RAPGEF6: variants seen among roughly 807,000 people sequenced by gnomAD.
RAPGEF6 encodes the protein Rap guanine nucleotide exchange factor 6, also known as PDZ domain containing guanine nucleotide exchange factor (GEF) 2.
In RAPGEF6, 56 loss-of-function variants were observed where a neutral mutation model predicts 171.4. The observed-to-expected ratio is 0.33, with a 90% CI of 0.26 to 0.41. The LOEUF is 0.41. Ranked by LOEUF, RAPGEF6 falls within the 10% of genes least tolerant of loss-of-function variation. The pLI, the probability that RAPGEF6 is intolerant of heterozygous loss-of-function variation, is 1.00. For synonymous variants in RAPGEF6, 692 were observed against 650.1 expected, an observed-to-expected ratio of 1.06 and a Z score of -0.98; for missense variants, 1,674 against 1,921.4, an observed-to-expected ratio of 0.87 and a Z score of 2.41.
intron 9 of RAPGEF6, among the ~76,000 whole-genome samples, chr5:131,507,277 TG>T (rs1305072300): frequency 2.7e-5 from 4 of 150,638 alleles, no homozygotes; most frequent in Non-Finnish European, 4.4e-5. Context: ...GAACACCTTT[TG>T]AAATAACTCT....
chr5:131,509,300 T>C (rs921785929), intron 8 of RAPGEF6, among the ~76,000 whole-genome samples: 2 of 152,064 alleles, frequency 1.3e-5, no homozygotes, highest in African/African-American at 4.8e-5. Context: ...TCCCAGCACT[T>C]AGGGAGGCCG....
chr5:131,428,100 CTCA>C (rs1751481335), intron 27 of RAPGEF6, among the ~76,000 whole-genome samples: 1 of 151,884 alleles, frequency 6.6e-6, no homozygotes, highest in African/African-American at 2.4e-5. Flanking sequence ...AAGACCTTGT[CTCA>C]ACAAACAAAC....
intron 3 of RAPGEF6, among the ~76,000 whole-genome samples, chr5:131,598,737 A>C (rs1364675846): frequency 6.6e-6 from 1 of 152,250 alleles, no homozygotes; most frequent in Non-Finnish European, 1.5e-5. Flanking sequence ...AGAAGACTAA[A>C]TAAATGGAAG....
At chr5:131,619,705 A>C (rs1765492927) in intron 1 of RAPGEF6, among the ~76,000 whole-genome samples, 1 of 152,158 alleles carries the variant, frequency 6.6e-6, no homozygotes, top group Non-Finnish European at 1.5e-5. Flanking sequence ...TTCAATCCTT[A>C]TCTCTCTTCG....
chr5:131,442,550 A>G lies in RAPGEF6; in HGVS notation c.3422-13T>C, dbSNP rs1216913864. The G allele has an allele frequency of 1.2e-6, 2 of 1,612,636 alleles. No homozygotes were observed. The highest frequency in any genetic ancestry group is 1.7e-6 in the Non-Finnish European group (2 of 1,179,204). On this transcript the variant is annotated splice_polypyrimidine_tract_variant and intron_variant, in intron 22 of 27. Transcript: ENST00000509018. Reference sequence around the variant, plus strand: ...AAATTCTTGGTCACTAACAGGAGAGAGTAAGAAATAAGTAACTGCACGTTT... The same window carrying G: ...AAATTCTTGGTCACTAACAGGAGAGGGTAAGAAATAAGTAACTGCACGTTT...
chr5:131,452,951 A>G, intron 21 of RAPGEF6, 103 bp downstream of exon 21: 1 of 1,410,062 alleles, frequency 7.1e-7, no homozygotes, highest in Non-Finnish European at 9.4e-7. Flanking sequence ...CACTTTGTAC[A>G]GCACACATGG....
chr5:131,558,014 T>C (rs981471767), intron 5 of RAPGEF6, among the ~76,000 whole-genome samples: 3 of 152,160 alleles, frequency 2.0e-5, no homozygotes, highest in Non-Finnish European at 4.4e-5. Flanking sequence ...AATAGGCTCA[T>C]AAAATAAGGC....
intron 5 of RAPGEF6, among the ~76,000 whole-genome samples, chr5:131,558,724 C>T (rs1021853251): frequency 9.2e-5 from 14 of 151,882 alleles, no homozygotes; most frequent in African/African-American, 3.1e-4. Context: ...TTAGAGCATA[C>T]GCCTGAATTT....
At chr5:131,599,875 A>G (rs1764124967) in intron 3 of RAPGEF6, among the ~76,000 whole-genome samples, 1 of 152,242 alleles carries the variant, frequency 6.6e-6, no homozygotes, top group African/African-American at 2.4e-5. Flanking sequence ...TCAAACATAG[A>G]GAAATGATTT....
chr5:131,527,283 A>G (rs1758934992), intron 6 of RAPGEF6, among the ~76,000 whole-genome samples: 1 of 151,726 alleles, frequency 6.6e-6, no homozygotes, highest in African/African-American at 2.4e-5. Context: ...AGCAGGAAAA[A>G]AACAAAACAA....
At chr5:131,583,197 G>A (rs1763066401) in intron 4 of RAPGEF6, among the ~76,000 whole-genome samples, 1 of 152,136 alleles carries the variant, frequency 6.6e-6, no homozygotes, top group East Asian at 1.9e-4. Flanking sequence ...CTCTTGGCCA[G>A]GGGCACCCCA....
At chr5:131,487,205 T>C (rs1466215240) in intron 15 of RAPGEF6, among the ~76,000 whole-genome samples, 1 of 152,214 alleles carries the variant, frequency 6.6e-6, no homozygotes, top group East Asian at 1.9e-4. Flanking sequence ...ACTTCAAGAA[T>C]GAAGCCGCGG....
At chr5:131,514,631 G>C (rs184107237) in intron 7 of RAPGEF6, among the ~76,000 whole-genome samples, 46 of 152,076 alleles carry the variant, frequency 3.0e-4, no homozygotes, top group East Asian at 2.3e-3. Context: ...AGGAAAAATG[G>C]ATAATCTCAG....
intron 17 of RAPGEF6, among the ~76,000 whole-genome samples, chr5:131,470,373 G>A (rs1470632756): frequency 1.3e-5 from 2 of 152,106 alleles, no homozygotes; most frequent in Non-Finnish European, 2.9e-5. Context: ...CTGAATTTCA[G>A]CTCCATGGGG....
chr5:131,459,102 T>C (rs919401056), intron 19 of RAPGEF6, among the ~76,000 whole-genome samples: 8 of 152,146 alleles, frequency 5.3e-5, no homozygotes, highest in African/African-American at 1.9e-4. Flanking sequence ...ATTTTACCAC[T>C]TCAGCAACTA....
At chr5:131,605,106 A>G (rs1171569993) in intron 1 of RAPGEF6, among the ~76,000 whole-genome samples, 1 of 152,232 alleles carries the variant, frequency 6.6e-6, no homozygotes, top group African/African-American at 2.4e-5. Flanking sequence ...CTTTCTAAAG[A>G]ATTTCTTTCT....
At chr5:131,556,501 G>A (rs1041126090) in intron 5 of RAPGEF6, among the ~76,000 whole-genome samples, 1 of 152,120 alleles carries the variant, frequency 6.6e-6, no homozygotes, top group African/African-American at 2.4e-5. Flanking sequence ...TACTACATTA[G>A]GAATGTACAG....
chr5:131,520,087 A>C (rs1021289881), intron 7 of RAPGEF6, among the ~76,000 whole-genome samples: 3 of 152,212 alleles, frequency 2.0e-5, no homozygotes, highest in African/African-American at 7.2e-5. Flanking sequence ...CATATAAACC[A>C]AAAAATGGGT....
At chr5:131,598,293 G>GA (rs1263424779) in intron 3 of RAPGEF6, among the ~76,000 whole-genome samples, 1 of 151,952 alleles carries the variant, frequency 6.6e-6, no homozygotes, top group Non-Finnish European at 1.5e-5. Context: ...AACACAGACA[G>GA]AAAAAAGGAC....
Sources: gnomAD v4.1 joint callset for allele counts (sites outside exome capture counted in the v4.1 genomes callset) on GRCh38, gnomAD v4.1.1 for gene constraint, MANE v1.5 for transcripts, NCBI Gene and HGNC (gene_info 2026-07-23, HGNC 2026-07-21) for gene names.